Variants in RSBN1L observed in about 807,000 individuals in gnomAD.
RSBN1L encodes the protein lysine-specific demethylase RSBN1L.
A neutral mutation model predicts 67.7 loss-of-function variants in RSBN1L; 30 were observed. That is an observed-to-expected ratio of 0.44 (90% CI 0.33 to 0.60). The LOEUF is 0.60. Among genes scored for constraint, RSBN1L ranks in the 20% least tolerant of loss-of-function variants. The pLI is 0.02. For synonymous variants in RSBN1L, 433 were observed against 387.0 expected, an observed-to-expected ratio of 1.12 and a Z score of -1.39; for missense variants, 992 against 1,031.7, an observed-to-expected ratio of 0.96 and a Z score of 0.53.
intron 3 of RSBN1L, among the ~76,000 whole-genome samples, chr7:77,754,855 T>G (rs1348371990): frequency 1.3e-5 from 2 of 152,062 alleles, no homozygotes; most frequent in Non-Finnish European, 2.9e-5. Context: ...GGCAGCAGAG[T>G]GAGATCCTGT....
rs67322019 is a variant in RSBN1L at position 77,709,152 on chromosome 7, TTGTGTGTGTGTGTGTGTG to T, written c.586+12125_586+12142del. Among the ~76,000 whole-genome samples the T allele has an allele frequency of 7.0e-5, 10 of 142,368 alleles. No homozygotes were observed. The East Asian group carries it at 1.3e-3, about 18-fold the overall frequency. 93.4% of individuals were successfully genotyped at this position (142,368 alleles called of 152,430 possible). A position where few individuals can be genotyped will look rare whatever the true frequency, so the allele number is the denominator to read the frequency against. ...CTGCTCGACATAGAAGGGATTCTGTTTGTGTGTGTGTGTGTGTGTGTGTGTGTGTGTGTGTGTGTGTGT... is the reference window on the plus strand; with the variant it reads ...CTGCTCGACATAGAAGGGATTCTGTTTGTGTGTGTGTGTGTGTGTGTGTGT... On this transcript the variant is annotated intron_variant, in intron 1 of 7. Transcript: ENST00000334955.
intron 1 of RSBN1L, among the ~76,000 whole-genome samples, chr7:77,736,166 G>A (rs556846405): frequency 2.0e-5 from 3 of 152,114 alleles, no homozygotes; most frequent in South Asian, 4.1e-4. Flanking sequence ...TGGTTGACAC[G>A]AAGTGAAGAA....
rs569554422 is a variant in RSBN1L at position 77,774,743 on chromosome 7, C to A, written c.1793+1429C>A. 2.6e-4 allele frequency among the ~76,000 whole-genome samples: 40 copies of A among 152,264 alleles called. No individual in the cohort carries two copies. In the South Asian group the frequency reaches 5.0e-3, roughly 19 times the overall value. ...ACAAGAGCAAAACTCCGTCCCACCA[C>A]CAACAACAACAAAAAAAGATAATTT... On this transcript the variant is annotated intron_variant, in intron 6 of 7. Transcript: ENST00000334955.
intron 1 of RSBN1L, among the ~76,000 whole-genome samples, chr7:77,724,613 A>T (rs1236432803): frequency 6.6e-6 from 1 of 151,404 alleles, no homozygotes; most frequent in Non-Finnish European, 1.5e-5. Context: ...TTTAGTAGAG[A>T]TGGGGTTTCA....
intron 6 of RSBN1L, 137 bp downstream of exon 6, chr7:77,773,451 A>C: frequency 1.8e-6 from 1 of 558,752 alleles, no homozygotes; most frequent in Admixed American, 3.7e-5. Flanking sequence ...TAATTGTATA[A>C]TTGTACTAAA....
intron 3 of RSBN1L, among the ~76,000 whole-genome samples, chr7:77,754,727 C>G (rs1791594796): frequency 6.6e-6 from 1 of 152,054 alleles, no homozygotes; most frequent in Non-Finnish European, 1.5e-5. Flanking sequence ...TGGCACTATT[C>G]AGGAGGCTGA....
At chr7:77,708,220 A>G (rs979613099) in intron 1 of RSBN1L, among the ~76,000 whole-genome samples, 6 of 151,754 alleles carry the variant, frequency 4.0e-5, no homozygotes, top group Admixed American at 1.3e-4. Context: ...AGGGGGTGGG[A>G]TGGTGTGAAT....
intron 1 of RSBN1L, among the ~76,000 whole-genome samples, chr7:77,706,245 T>A (rs906011169): frequency 6.6e-6 from 1 of 152,118 alleles, no homozygotes; most frequent in Admixed American, 6.5e-5. Flanking sequence ...TTGGGCTAAT[T>A]TTTTGTATTT....
intron 1 of RSBN1L, among the ~76,000 whole-genome samples, chr7:77,707,956 T>C (rs1398664483): frequency 6.6e-6 from 1 of 152,228 alleles, no homozygotes; most frequent in Non-Finnish European, 1.5e-5. Context: ...TATTAGCCTT[T>C]CATAAATACT....
intron 2 of RSBN1L, among the ~76,000 whole-genome samples, chr7:77,746,009 T>G (rs1258280545): frequency 1.3e-5 from 2 of 152,176 alleles, no homozygotes; most frequent in Non-Finnish European, 2.9e-5. Flanking sequence ...GGAATGGCTG[T>G]AATACAGATG....
intron 1 of RSBN1L, among the ~76,000 whole-genome samples, chr7:77,698,277 GTGT>G (rs1790768392): frequency 6.6e-6 from 1 of 152,256 alleles, no homozygotes; most frequent in Admixed American, 6.5e-5. Context: ...GCTTCTGGGA[GTGT>G]TGTTTCTAGG....
intron 2 of RSBN1L, among the ~76,000 whole-genome samples, 167 bp from the exon 3 acceptor site, chr7:77,749,257 A>G (rs1791522980): frequency 6.6e-6 from 1 of 152,192 alleles, no homozygotes; most frequent in Admixed American, 6.5e-5. Context: ...CTGTCTCAAA[A>G]AAGGCTGACT....
chr7:77,761,035 T>G (rs181348240), intron 3 of RSBN1L, among the ~76,000 whole-genome samples: 1 of 152,246 alleles, frequency 6.6e-6, no homozygotes, highest in Non-Finnish European at 1.5e-5. Context: ...AAAGCAAATA[T>G]AGTAAGCTCA....
chr7:77,761,524 C>T (rs1168257312), intron 3 of RSBN1L, among the ~76,000 whole-genome samples: 1 of 152,126 alleles, frequency 6.6e-6, no homozygotes, highest in Non-Finnish European at 1.5e-5. Context: ...GTGAATTCTG[C>T]ATATTTGGTA....
intron 6 of RSBN1L, among the ~76,000 whole-genome samples, chr7:77,773,955 T>G (rs1315871815): frequency 6.6e-6 from 1 of 152,188 alleles, no homozygotes; most frequent in Non-Finnish European, 1.5e-5. Flanking sequence ...TGCTCCGTAT[T>G]TATCACATAA....
At chr7:77,744,678 A>G (rs1029103268) in intron 2 of RSBN1L, among the ~76,000 whole-genome samples, 2 of 151,880 alleles carry the variant, frequency 1.3e-5, no homozygotes, top group East Asian at 2.0e-4. Context: ...TCGGCCTCCC[A>G]AAGTGCTGGG....
At chr7:77,713,733 C>T (rs1791008657) in intron 1 of RSBN1L, among the ~76,000 whole-genome samples, 1 of 151,860 alleles carries the variant, frequency 6.6e-6, no homozygotes, top group South Asian at 2.1e-4. Context: ...AAATTCCTGG[C>T]CTCAAGCAGT....
intron 1 of RSBN1L, among the ~76,000 whole-genome samples, chr7:77,702,182 G>A (rs1790827539): frequency 6.7e-6 from 1 of 149,080 alleles, no homozygotes; most frequent in African/African-American, 2.5e-5. Flanking sequence ...TGGCCAGGCT[G>A]GTCTCCAACT....
chr7:77,709,067 G>GT (rs1790932363), intron 1 of RSBN1L, among the ~76,000 whole-genome samples: 1 of 152,016 alleles, frequency 6.6e-6, no homozygotes, highest in South Asian at 2.1e-4. Context: ...TTATATTAGA[G>GT]TTTTGTTATC....
Sources: gnomAD v4.1 joint callset for allele counts (sites outside exome capture counted in the v4.1 genomes callset) on GRCh38, gnomAD v4.1.1 for gene constraint, MANE v1.5 for transcripts, NCBI Gene and HGNC (gene_info 2026-07-23, HGNC 2026-07-21) for gene names.